CLN3: variants seen among roughly 807,000 people sequenced by gnomAD.
The protein encoded by CLN3 is CLN3 lysosomal/endosomal transmembrane protein, battenin, also known as battenin.
Under a neutral mutation model 60.7 loss-of-function variants are expected in CLN3, and 49 were observed. The observed-to-expected ratio is 0.81, with a 90% CI of 0.64 to 1.02. The LOEUF is 1.02. Ranked by LOEUF, CLN3 falls within the 50% of genes least tolerant of loss-of-function variation. The pLI is 0.00. For missense variants in CLN3, 516 were observed against 557.4 expected, an observed-to-expected ratio of 0.93 and a Z score of 0.75; for synonymous variants, 256 against 245.8, an observed-to-expected ratio of 1.04 and a Z score of -0.39.
At chr16:28,472,225 C>T (rs185287876), downstream of CLN3, among the ~76,000 whole-genome samples, 1 of 151,910 alleles carries the variant, frequency 6.6e-6, no homozygotes, top group African/African-American at 2.4e-5. Context: ...CCAGACTGGG[C>T]AACATAGTGA....
downstream of CLN3, among the ~76,000 whole-genome samples, chr16:28,471,380 C>CA (rs2045949013): frequency 8.5e-6 from 1 of 118,336 alleles, no homozygotes; most frequent in African/African-American, 3.2e-5. Context: ...ATCTCAGGAA[C>CA]AAATGTAGAT....
At chr16:28,478,088 A>G (rs1456494512) in intron 14 of CLN3, among the ~76,000 whole-genome samples, 1 of 152,144 alleles carries the variant, frequency 6.6e-6, no homozygotes, top group Non-Finnish European at 1.5e-5. Flanking sequence ...ACCTGAGGTC[A>G]GGATTTCGAG....
chr16:28,488,708 G>A, intron 4 of CLN3, 46 bp from the exon 5 acceptor site: 1 of 1,581,352 alleles, frequency 6.3e-7, no homozygotes, highest in Non-Finnish European at 8.7e-7. Flanking sequence ...CAGAGGGATA[G>A]ACACACAGAG....
downstream of CLN3, chr16:28,477,005 TG>T (rs2046003953): frequency 2.0e-5 from 4 of 196,468 alleles, no homozygotes; most frequent in African/African-American, 9.5e-5. Context: ...GACATGGTAG[TG>T]ACCACCTGTA....
rs1411868641 is a variant in CLN3, at chr16:28,486,404, A to C, written c.620T>G (p.Leu207Arg). The change falls in exon 9 of 16, where the codon CTC becomes CGC. Residue 207 changes from leucine to arginine, a missense_variant. Coordinates refer to ENST00000636147, the MANE Select transcript of CLN3 (RefSeq NM_001042432.2). Reference protein sequence around the residue: ...LSYLGLTQAGLSPQQTLLSML... With the variant: ...LSYLGLTQAGRSPQQTLLSML... ...GGACAGCAGGGTCTGCTGAGGGGAG[A>C]GGCCGGCCTGGGTGAGGCCCAGGTA... is the stretch of plus-strand genomic sequence containing the variant. The C allele has an allele frequency of 2.5e-6, 4 of 1,613,300 alleles. No homozygotes were observed. The highest frequency in any genetic ancestry group is 3.4e-6 in the Non-Finnish European group (4 of 1,179,986).
intron 9 of CLN3, among the ~76,000 whole-genome samples, chr16:28,485,684 TAAAAAAAAAAAA>T (rs758152793): frequency 1.2e-5 from 1 of 84,564 alleles, no homozygotes; most frequent in Non-Finnish European, 2.4e-5. Context: ...CAACACTGAT[TAAAAAAAAAAAA>T]AAAAAAAAAA....
chr16:28,486,101 G>A (rs976309973), intron 9 of CLN3, among the ~76,000 whole-genome samples: 2 of 151,668 alleles, frequency 1.3e-5, no homozygotes, highest in Non-Finnish European at 2.9e-5. Flanking sequence ...GGGTTCAAGC[G>A]ATTCTCCTGC....
intron 7 of CLN3, 194 bp downstream of exon 7, chr16:28,487,262 T>C: frequency 4.6e-6 from 3 of 652,996 alleles, no homozygotes; most frequent in Non-Finnish European, 5.6e-6. Context: ...ATTCATCCAT[T>C]TTCTCCCATC....
chr16:28,481,768 G>C (rs1482889136), intron 14 of CLN3, among the ~76,000 whole-genome samples: 1 of 152,044 alleles, frequency 6.6e-6, no homozygotes, highest in East Asian at 1.9e-4. Context: ...GAGGCCGGCA[G>C]ATCACCTGAG....
chr16:28,487,327 T>C (rs939987876), intron 7 of CLN3, 129 bp downstream of exon 7: 6 of 787,842 alleles, frequency 7.6e-6, no homozygotes, highest in East Asian at 2.6e-5. Context: ...CTACTGCTGA[T>C]AGCCCTAGCA....
At chr16:28,479,163 G>A (rs1429772213) in intron 14 of CLN3, among the ~76,000 whole-genome samples, 1 of 152,352 alleles carries the variant, frequency 6.6e-6, no homozygotes, top group East Asian at 1.9e-4. Flanking sequence ...AGGCCTCCTC[G>A]TGGCGGTTCA....
rs144813999 is a variant in CLN3, at chr16:28,489,485, C to A, written c.126-99G>T. ...CTTACCTGTGCCCTTCAATCAGCCC[C>A]CTCTTTTTTTTCCCTCTATCACCAG... On this transcript the variant is annotated intron_variant, in intron 3 of 15. Transcript: ENST00000636147. 469 of 841,566 alleles carry A rather than the reference C, an allele frequency of 5.6e-4. 1 individual carries two copies. In the East Asian group the frequency reaches 0.011, roughly 20 times the overall value. 52.1% of individuals were successfully genotyped at this position (841,566 alleles called of 1,614,324 possible).
chr16:28,473,768 C>A (rs150463641), downstream of CLN3, among the ~76,000 whole-genome samples: 378 of 152,232 alleles, frequency 2.5e-3, 4 homozygotes, highest in East Asian at 6.6e-3. Context: ...TAAAAAAAGA[C>A]AATCCCATTT....
chr16:28,484,199 G>A lies in CLN3; in HGVS notation c.678-81C>T, dbSNP rs527785477. Reference sequence around the variant, plus strand: ...GGGACCATCTAGGCCACTTTTCCCAGGGAACACCTCTACCTTTGAACACTT... The same window carrying A: ...GGGACCATCTAGGCCACTTTTCCCAAGGAACACCTCTACCTTTGAACACTT... On this transcript the variant is annotated intron_variant, in intron 9 of 15. Coordinates refer to ENST00000636147, the MANE Select transcript of CLN3 (RefSeq NM_001042432.2). 481 of 956,976 alleles carry A rather than the reference G, an allele frequency of 5.0e-4. 1 individual carries two copies. Among genetic ancestry groups the A allele is most frequent in the Non-Finnish European group, 3.4e-4 (208 of 609,134 alleles). 59.3% of individuals were successfully genotyped at this position (956,976 alleles called of 1,614,324 possible).
chr16:28,486,583 G>C lies in CLN3; in HGVS notation c.528C>G (p.Tyr176Ter). 1 of 1,610,828 alleles carries C rather than the reference G, an allele frequency of 6.2e-7. No individual in the cohort carries two copies. The change falls in exon 8 of 16, where the codon TAC becomes TAG. Residue 176 changes from tyrosine (Y) to a stop codon, truncating the protein, a stop_gained. Transcript: ENST00000636147. LOFTEE classifies it high-confidence loss of function. ...EVTFLSLTAF[Y>*]PRAVISWWSS... ...TCCCTGCTCCACCTGCTTACCTGGGGTAGAAGGCAGTGAGGGAGAGGAAGG... is the reference window on the plus strand; with the variant it reads ...TCCCTGCTCCACCTGCTTACCTGGGCTAGAAGGCAGTGAGGGAGAGGAAGG...
chr16:28,488,895 C>A (rs898101598), intron 4 of CLN3, among the ~76,000 whole-genome samples: 1 of 152,126 alleles, frequency 6.6e-6, no homozygotes, highest in Non-Finnish European at 1.5e-5. Context: ...GTTTAGATAA[C>A]ACATTCAAGA....
intron 14 of CLN3, among the ~76,000 whole-genome samples, chr16:28,480,477 T>C (rs2046071028): frequency 6.6e-6 from 1 of 152,090 alleles, no homozygotes; most frequent in South Asian, 2.1e-4. Context: ...CTCGGCTCAC[T>C]GCAACCTCCA....
intron 14 of CLN3, 79 bp downstream of exon 14, chr16:28,482,026 G>C: frequency 1.9e-6 from 2 of 1,062,224 alleles, no homozygotes; most frequent in Non-Finnish European, 2.9e-6. Context: ...ACTGATAGTG[G>C]GAAGCAGGGG....
downstream of CLN3, among the ~76,000 whole-genome samples, chr16:28,472,302 G>T (rs1325326691): frequency 6.6e-6 from 1 of 151,426 alleles, no homozygotes; most frequent in Non-Finnish European, 1.5e-5. Flanking sequence ...GGAGGCTGAG[G>T]CAGAGGAGCC....
Sources: gnomAD v4.1 joint callset for allele counts (sites outside exome capture counted in the v4.1 genomes callset) on GRCh38, gnomAD v4.1.1 for gene constraint, MANE v1.5 for transcripts, NCBI Gene and HGNC (gene_info 2026-07-23, HGNC 2026-07-21) for gene names.